KLF11: variants seen among roughly 807,000 people sequenced by gnomAD.
KLF11 encodes the protein KLF transcription factor 11, also known as Krueppel-like factor 11.
Under a neutral mutation model 29.9 loss-of-function variants are expected in KLF11, and 26 were observed. The observed-to-expected ratio is 0.87, with a 90% CI of 0.64 to 1.21. KLF11 has a LOEUF of 1.21. Among genes scored for constraint, KLF11 ranks in the 50% most tolerant of loss-of-function variants. The pLI, the probability that KLF11 is intolerant of heterozygous loss-of-function variation, is 0.00. For synonymous variants in KLF11, 318 were observed against 257.4 expected (o/e 1.24, Z -2.25); for missense variants, 778 against 665.7 (o/e 1.17, Z -1.86).
chr2:10,048,584 G>A lies in KLF11; in HGVS notation c.1247G>A (p.Arg416His), dbSNP rs752934992. The A allele has an allele frequency of 5.6e-6, 9 of 1,601,854 alleles. No individual in the cohort carries two copies. Among genetic ancestry groups the A allele is most frequent in the Middle Eastern group, 1.6e-4 (1 of 6,074 alleles). ...AGTTCCCACCTTAAGGCCCATCTTCGCACTCACACAGGTAAGCGCTGGGGC... is the reference window on the plus strand; with the variant it reads ...AGTTCCCACCTTAAGGCCCATCTTCACACTCACACAGGTAAGCGCTGGGGC... ...FKSSHLKAHL[R>H]THTGEKPFNC... Residue 416 changes from arginine (R) to histidine (H), a missense_variant, in exon 3 of 4, where the codon CGC (arginine) becomes CAC (histidine). Physicochemically the swap from Arg to His is conservative, Grantham distance 29. Transcript: ENST00000305883.
intron 1 of KLF11, among the ~76,000 whole-genome samples, chr2:10,045,328 G>C (rs570177601): frequency 6.6e-6 from 1 of 152,122 alleles, no homozygotes; most frequent in Admixed American, 6.5e-5. Flanking sequence ...GCTGAGGCAG[G>C]AGAATCGCTT....
In KLF11 at chr2:10,047,879, A is replaced by G. The variant is rs759045037; in HGVS notation, c.542A>G (p.Glu181Gly). ...ACTAGCGTGATCCGACACACTGGGG[A>G]GAGCCCTGCTGCCTGCTTTCCCACC... is the stretch of plus-strand genomic sequence containing the variant. ...KGTSVIRHTGESPAACFPTIQ... is the reference protein window; with the variant it reads ...KGTSVIRHTGGSPAACFPTIQ... Residue 181 changes from glutamate to glycine, a missense_variant, in exon 3 of 4, where the codon GAG (glutamate) becomes GGG (glycine). Transcript: ENST00000305883. 3 of 1,613,850 alleles carry G rather than the reference A, an allele frequency of 1.9e-6. No homozygotes were observed. Among genetic ancestry groups the G allele is most frequent in the East Asian group, 4.5e-5 (2 of 44,876 alleles).
chr2:10,053,411 A>G lies in KLF11; in HGVS notation c.*904A>G. 2 of 398,394 alleles carry G rather than the reference A, an allele frequency of 5.0e-6. No homozygotes were observed. The highest frequency in any genetic ancestry group is 8.8e-6 in the Non-Finnish European group (2 of 226,056). The allele number at this position is 398,394 out of a possible 1,614,324, so 24.7% of individuals were successfully genotyped here. On this transcript the variant is annotated 3_prime_UTR_variant, in exon 4 of 4. Coordinates refer to ENST00000305883, the MANE Select transcript of KLF11 (RefSeq NM_003597.5). ...GCTGCTTTGTCAATTGTCAGTTCTG[A>G]CTCCTTTTGCTGTGGCCTTATCCGT...
At chr2:10,044,507 C>G in intron 1 of KLF11, 1 of 916,598 alleles carries the variant, frequency 1.1e-6, no homozygotes, top group Non-Finnish European at 1.3e-6. Flanking sequence ...AGTGGCGCAG[C>G]CTGCGGGACA....
At chr2:10,044,626 T>G (rs1661122917) in intron 1 of KLF11, among the ~76,000 whole-genome samples, 1 of 150,054 alleles carries the variant, frequency 6.7e-6, no homozygotes, top group South Asian at 2.1e-4. Context: ...ACGTGTATCT[T>G]CGTACATTTA....
rs58347649 is a variant in KLF11, at chr2:10,048,908, CTTT to C, written c.1258+333_1258+335del. 0.091 allele frequency among the ~76,000 whole-genome samples: 11,051 copies of C among 121,616 alleles called. 538 individuals carry two copies. Among genetic ancestry groups the C allele is most frequent in the Middle Eastern group, 0.12 (28 of 224 alleles). 79.8% of individuals were successfully genotyped at this position (121,616 alleles called of 152,430 possible). A position where few individuals can be genotyped will look rare whatever the true frequency, so the allele number is the denominator to read the frequency against. On this transcript the variant is annotated intron_variant, in intron 3 of 3. Transcript: ENST00000305883. ...TTCACATTGCAGTAGACGTTTCATC[CTTT>C]TTTTTTTTTTTTTTTTTTTAAAGAA...
chr2:10,052,963 TAAC>T lies in KLF11; in HGVS notation c.*459_*461del. ...TTGCAGCCTTCTTTTCAGTGTTTAA[TAAC>T]AAAGTTTTTCCTAATGGCCCTTCTT... On this transcript the variant is annotated 3_prime_UTR_variant, in exon 4 of 4. Transcript: ENST00000305883. 7 of 349,212 alleles carry T rather than the reference TAAC, an allele frequency of 2.0e-5. No homozygotes were observed. The allele number at this position is 349,212 out of a possible 1,614,324, so 21.6% of individuals were successfully genotyped here. A position where few individuals can be genotyped will look rare whatever the true frequency, so the allele number is the denominator to read the frequency against.
Position 10,053,042 on chromosome 2 carries a change from CT to C in KLF11, c.*539del. The C allele has an allele frequency of 2.6e-6, 1 of 391,358 alleles. No homozygotes were observed. Among genetic ancestry groups the C allele is most frequent in the Non-Finnish European group, 4.5e-6 (1 of 222,288 alleles). The allele number at this position is 391,358 out of a possible 1,614,324, so 24.2% of individuals were successfully genotyped here. ...CTACAAAAACCACAAGTTATCTGGC[CT>C]TTTAGATCTTTTTGGAATCGGACCT... On this transcript the variant is annotated 3_prime_UTR_variant, in exon 4 of 4. Coordinates refer to ENST00000305883, the MANE Select transcript of KLF11 (RefSeq NM_003597.5).
intron 3 of KLF11, 37 bp downstream of exon 3, chr2:10,048,632 G>C: frequency 6.7e-7 from 1 of 1,497,354 alleles, no homozygotes; most frequent in Non-Finnish European, 9.2e-7. Flanking sequence ...GGGCACACCA[G>C]ACCCTGTGGT....
In KLF11 at chr2:10,053,608, T is replaced by TA. The variant is rs1661472759; in HGVS notation, c.*1102dup. 2.5e-6 allele frequency: 1 copy of TA among 395,692 alleles called. No homozygotes were observed. The highest frequency in any genetic ancestry group is 4.5e-6 in the Non-Finnish European group (1 of 224,476). 24.5% of individuals were successfully genotyped at this position (395,692 alleles called of 1,614,324 possible). On this transcript the variant is annotated 3_prime_UTR_variant, in exon 4 of 4. Coordinates refer to ENST00000305883, the MANE Select transcript of KLF11 (RefSeq NM_003597.5). ...ACTAGAAACACAAGGAAATGCAAGT[T>TA]ACGCTAAATGGCAGTAATACTACCC...
In KLF11 at chr2:10,052,431, A is replaced by G. The variant is rs978215507; in HGVS notation, c.1463A>G (p.Glu488Gly). 4 of 1,614,040 alleles carry G rather than the reference A, an allele frequency of 2.5e-6. No homozygotes were observed. In the African/African-American group the frequency reaches 5.3e-5, roughly 22 times the overall value. Residue 488 changes from glutamate (E) to glycine (G), a missense_variant, in exon 4 of 4, where the codon GAG becomes GGG. Transcript: ENST00000305883. Reference sequence around the variant, plus strand: ...AAGAAGATCCCAGGCTGGCAGGCAGAGGTTGGCAAGCTGAACAGAATCGCC... The same window carrying G: ...AAGAAGATCCCAGGCTGGCAGGCAGGGGTTGGCAAGCTGAACAGAATCGCC... ...TTKKIPGWQA[E>G]VGKLNRIASA...
rs375268549 is a variant in KLF11 at position 10,052,219 on chromosome 2, C to G, written c.1259-8C>G. Reference sequence around the variant, plus strand: ...TTTCTCTTTAATATGTATTTTCTCACCTCACAGGGGAGAAGCCTTTCAACT... The same window carrying G: ...TTTCTCTTTAATATGTATTTTCTCAGCTCACAGGGGAGAAGCCTTTCAACT... On this transcript the variant is annotated splice_region_variant and splice_polypyrimidine_tract_variant and intron_variant, in intron 3 of 3. Coordinates refer to ENST00000305883, the MANE Select transcript of KLF11 (RefSeq NM_003597.5). The G allele has an allele frequency of 6.2e-7, 1 of 1,613,964 alleles. No homozygotes were observed. Among genetic ancestry groups the G allele is most frequent in the South Asian group, 1.1e-5 (1 of 91,074 alleles).
chr2:10,052,597 A>G lies in KLF11; in HGVS notation c.*90A>G. On this transcript the variant is annotated 3_prime_UTR_variant, in exon 4 of 4. Coordinates refer to ENST00000305883, the MANE Select transcript of KLF11 (RefSeq NM_003597.5). Reference sequence around the variant, plus strand: ...GATTCCTCTCCCACTGCCTCACCCAAAAAAAACGGTCTTGGCGGCCTAGGG... The same window carrying G: ...GATTCCTCTCCCACTGCCTCACCCAGAAAAAACGGTCTTGGCGGCCTAGGG... 9 of 1,427,098 alleles carry G rather than the reference A, an allele frequency of 6.3e-6. No individual in the cohort carries two copies. The highest frequency in any genetic ancestry group is 8.7e-6 in the Non-Finnish European group (9 of 1,033,260). The allele number at this position is 1,427,098 out of a possible 1,614,324, so 88.4% of individuals were successfully genotyped here.
chr2:10,043,991 T>C, intron 1 of KLF11: 1 of 826,320 alleles, frequency 1.2e-6, no homozygotes, highest in South Asian at 5.5e-5. Context: ...CGCAGCTTTG[T>C]CTTGCGCTTC....
intron 3 of KLF11, 39 bp downstream of exon 3, chr2:10,048,634 C>T: frequency 6.7e-7 from 1 of 1,489,180 alleles, no homozygotes; most frequent in Non-Finnish European, 9.3e-7. Flanking sequence ...GCACACCAGA[C>T]CCTGTGGTTA....
Position 10,048,117 on chromosome 2 carries a change from A to G in KLF11, c.780A>G (p.Ser260=). The G allele has an allele frequency of 6.2e-7, 1 of 1,614,210 alleles. No homozygotes were observed. The highest frequency in any genetic ancestry group is 8.5e-7 in the Non-Finnish European group (1 of 1,180,038). ...GGCCTGGTGCAGTTCAGACTTGCTC[A>G]CCAAAGAATTATGAAAATGACCTGC... The part of the protein sequence containing the change: ...AGWPGAVQTC[S]PKNYENDLPR... Residue 260 remains serine, a synonymous_variant, in exon 3 of 4, where the codon TCA becomes TCG. Transcript: ENST00000305883.
intron 3 of KLF11, among the ~76,000 whole-genome samples, chr2:10,049,489 C>A (rs908175186): frequency 2.6e-5 from 4 of 152,224 alleles, no homozygotes; most frequent in Non-Finnish European, 4.4e-5. Context: ...CTCTACTACT[C>A]CATTCTACTG....
At position 10,048,186 on chromosome 2, in the gene KLF11, C is replaced by G; in HGVS notation, c.849C>G (p.Pro283=). 3 of 1,614,216 alleles carry G rather than the reference C, an allele frequency of 1.9e-6. No individual in the cohort carries two copies. The highest frequency in any genetic ancestry group is 2.5e-6 in the Non-Finnish European group (3 of 1,180,028). Residue 283 remains proline, a synonymous_variant, in exon 3 of 4, where the codon CCC becomes CCG. Coordinates refer to ENST00000305883, the MANE Select transcript of KLF11 (RefSeq NM_003597.5). ...TGATTTCTGTCTCTGTCCCTGCTCC[C>G]CCTGTCCTTTGCCAGATGATCCCTG... The part of the protein sequence containing the change: ...TPLISVSVPA[P]PVLCQMIPVT...
Position 10,048,340 on chromosome 2 carries a change from C to T in KLF11, c.1003C>T (p.Pro335Ser), listed in dbSNP as rs1661295434. 7 of 1,605,618 alleles carry T rather than the reference C, an allele frequency of 4.4e-6. No homozygotes were observed. The highest frequency in any genetic ancestry group is 5.1e-6 in the Non-Finnish European group (6 of 1,174,494). ...PQPVFVGPAVPQGAVMLVLPQ... is the reference protein window; with the variant it reads ...PQPVFVGPAVSQGAVMLVLPQ... ...ACCTGTGTTCGTGGGACCTGCTGTG[C>T]CTCAGGGAGCTGTGATGTTGGTCCT... Residue 335 changes from proline to serine, a missense_variant, in exon 3 of 4, where the codon CCT becomes TCT. Coordinates refer to ENST00000305883, the MANE Select transcript of KLF11 (RefSeq NM_003597.5).
Sources: allele counts gnomAD v4.1 joint callset (sites outside exome capture counted in the v4.1 genomes callset), GRCh38; gene constraint gnomAD v4.1.1; transcripts MANE v1.5; gene names NCBI Gene and HGNC (gene_info 2026-07-23, HGNC 2026-07-21).